SFI1: variants seen among roughly 807,000 people sequenced by gnomAD.
The protein encoded by SFI1 is protein SFI1 homolog.
A neutral mutation model predicts 207.5 loss-of-function variants in SFI1; 195 were observed. The observed-to-expected ratio is 0.94, with a 90% CI of 0.84 to 1.06. The LOEUF is 1.06. Among genes scored for constraint, SFI1 ranks in the 50% least tolerant of loss-of-function variants. The pLI, the probability that SFI1 is intolerant of heterozygous loss-of-function variation, is 0.00. For synonymous variants in SFI1, 630 were observed against 598.9 expected (o/e 1.05, Z -0.76); for missense variants, 1,634 against 1,588.0 (o/e 1.03, Z -0.49).
At chr22:31,513,251 TG>T (rs1410884170) in intron 2 of SFI1, among the ~76,000 whole-genome samples, 12 of 151,906 alleles carry the variant, frequency 7.9e-5, no homozygotes. Flanking sequence ...CTCAGCCTCC[TG>T]GGATCAAGCA....
At chr22:31,611,057 C>T in intron 22 of SFI1, 86 bp from the exon 23 acceptor site, 1 of 1,559,734 alleles carries the variant, frequency 6.4e-7, no homozygotes. Flanking sequence ...CCTGCACAGC[C>T]ATCTCTGCTG....
At chr22:31,512,128 G>A (rs2055670173) in intron 2 of SFI1, among the ~76,000 whole-genome samples, 1 of 152,082 alleles carries the variant, frequency 6.6e-6, no homozygotes, top group Non-Finnish European at 1.5e-5. Flanking sequence ...GGCCGAGGCG[G>A]GCAGATCATC....
intron 2 of SFI1, among the ~76,000 whole-genome samples, chr22:31,519,437 ATTT>A (rs756071630): frequency 2.2e-5 from 3 of 137,560 alleles, no homozygotes; most frequent in Admixed American, 7.3e-5. Flanking sequence ...CATCTGGCTA[ATTT>A]TTTTTTTTTT....
intron 1 of SFI1, among the ~76,000 whole-genome samples, chr22:31,497,550 G>A (rs2052908292): frequency 6.6e-6 from 1 of 152,078 alleles, no homozygotes; most frequent in African/African-American, 2.4e-5. Context: ...GGTCCTCCTT[G>A]TAGCCTGAGA....
rs778675085 is a variant in SFI1, at chr22:31,613,410, G to A, written c.2622G>A (p.Leu874=). ...AAAGGAGGAGAAAGAAGGCGCGGCT[G>A]CAGTGGGCGCTCCAGGCCTACCAGG... ...VLERRRKKAR[L]QWALQAYQGQ... The change falls in exon 26 of 33, where the codon CTG becomes CTA. Residue 874 remains leucine (L), a synonymous_variant. Transcript: ENST00000400288. 3.1e-6 allele frequency: 5 copies of A among 1,610,906 alleles called. No homozygotes were observed. Among genetic ancestry groups the A allele is most frequent in the Non-Finnish European group, 4.2e-6 (5 of 1,179,752 alleles).
In SFI1 at chr22:31,614,824, GC is replaced by G. The variant is rs1569469017; in HGVS notation, c.3035del (p.Pro1012HisfsTer21). ...TAHSARKQPRRPHFLLEPAQS... is the reference protein window; with the variant it reads ...TAHSARKQPRXPHFLLEPAQS... ...CACTCAGCGAGGAAGCAGCCGCGAC[GC>G]CCACACTTCCTGTTGGAGCCTGCGC... On this transcript the variant is annotated frameshift_variant, in exon 28 of 33. Transcript: ENST00000400288. LOFTEE classifies it high-confidence loss of function. 1 of 1,613,888 alleles carries G rather than the reference GC, an allele frequency of 6.2e-7. No homozygotes were observed. The highest frequency in any genetic ancestry group is 2.2e-5 in the East Asian group (1 of 44,882).
intron 15 of SFI1, among the ~76,000 whole-genome samples, chr22:31,601,941 C>T (rs908097322): frequency 6.6e-6 from 1 of 152,018 alleles, no homozygotes; most frequent in African/African-American, 2.4e-5. Flanking sequence ...TACAGGCACA[C>T]ACCATCACAC....
chr22:31,521,005 A>G (rs909015588), intron 2 of SFI1, among the ~76,000 whole-genome samples: 3 of 148,198 alleles, frequency 2.0e-5, no homozygotes, highest in Non-Finnish European at 4.5e-5. Flanking sequence ...CCTGTCTCAA[A>G]AAAAAAAAAA....
At chr22:31,515,298 C>T (rs1443838004) in intron 2 of SFI1, among the ~76,000 whole-genome samples, 1 of 151,262 alleles carries the variant, frequency 6.6e-6, no homozygotes, top group Non-Finnish European at 1.5e-5. Flanking sequence ...CTATACTAAT[C>T]TGGTAGGTAT....
intron 15 of SFI1, among the ~76,000 whole-genome samples, chr22:31,595,363 A>G (rs1414183801): frequency 3.3e-5 from 5 of 152,208 alleles, no homozygotes; most frequent in Admixed American, 6.5e-5. Flanking sequence ...GTGATGGGAG[A>G]CAGAAAACAA....
chr22:31,601,777 C>T (rs1442560139), intron 15 of SFI1, among the ~76,000 whole-genome samples: 3 of 152,030 alleles, frequency 2.0e-5, no homozygotes, highest in Non-Finnish European at 2.9e-5. Flanking sequence ...CTTTCTCCCT[C>T]ATCTAAGCTT....
chr22:31,593,044 C>T (rs2066343348), intron 15 of SFI1, among the ~76,000 whole-genome samples: 1 of 137,978 alleles, frequency 7.2e-6, no homozygotes, highest in Admixed American at 6.9e-5. Flanking sequence ...CTGACCCCCC[C>T]ACCTCCCTCC....
rs369841867 is a variant in SFI1, at chr22:31,583,987, T to A, written c.1346+15T>A. ...GACCACTACAGGTAGGGACTCTGGT[T>A]TCATCCCTGGCTCTCAGGGACTTTG... is the stretch of plus-strand genomic sequence containing the variant. On this transcript the variant is annotated intron_variant, in intron 13 of 32. Transcript: ENST00000400288. 32 of 1,605,230 alleles carry A rather than the reference T, an allele frequency of 2.0e-5. No individual in the cohort carries two copies. Among genetic ancestry groups the A allele is most frequent in the Non-Finnish European group, 2.3e-5 (27 of 1,172,428 alleles).
intron 4 of SFI1, among the ~76,000 whole-genome samples, chr22:31,545,382 A>G (rs2059972786): frequency 6.6e-6 from 1 of 151,880 alleles, no homozygotes; most frequent in African/African-American, 2.4e-5. Flanking sequence ...AAAAGAAAAA[A>G]AAAATTTGTA....
In SFI1 at chr22:31,608,046, C is replaced by T; in HGVS notation, c.2254+13C>T. The T allele has an allele frequency of 6.2e-7, 1 of 1,610,766 alleles. No homozygotes were observed. The highest frequency in any genetic ancestry group is 1.3e-5 in the African/African-American group (1 of 74,970). ...GTGCTGGACAGGGGTAAGTGGGGCC[C>T]CAGAAGCAAGTCATGTTGAGGAATG... On this transcript the variant is annotated intron_variant, in intron 22 of 32. Coordinates refer to ENST00000400288, the MANE Select transcript of SFI1 (RefSeq NM_001007467.3).
chr22:31,508,227 T>A, intron 1 of SFI1, 28 bp from the exon 2 acceptor site: 1 of 1,331,644 alleles, frequency 7.5e-7, no homozygotes, highest in Non-Finnish European at 1.1e-6. Context: ...AATCATTTTC[T>A]CTCTTTTTTA....
In SFI1 at chr22:31,614,798, C is replaced by T. The variant is rs2071094667; in HGVS notation, c.3006C>T (p.Ala1002=). The T allele has an allele frequency of 4.3e-6, 7 of 1,613,854 alleles. No homozygotes were observed. Among genetic ancestry groups the T allele is most frequent in the Non-Finnish European group, 5.1e-6 (6 of 1,180,036 alleles). ...EEPHALELNT[A]HSARKQPRRP... ...CCATGTTTCTTTCCAGCAACACTGCCCACTCAGCGAGGAAGCAGCCGCGAC... is the reference window on the plus strand; with the variant it reads ...CCATGTTTCTTTCCAGCAACACTGCTCACTCAGCGAGGAAGCAGCCGCGAC... Residue 1002 remains alanine (A), a synonymous_variant, in exon 28 of 33, where the codon GCC becomes GCT. Transcript: ENST00000400288.
chr22:31,512,321 C>T (rs1277428744), intron 2 of SFI1, among the ~76,000 whole-genome samples: 2 of 149,118 alleles, frequency 1.3e-5, no homozygotes, highest in Non-Finnish European at 3.0e-5. Flanking sequence ...TGCCATTGCA[C>T]TCCAGCCAGG....
At chr22:31,588,050 C>T (rs2065274892) in intron 14 of SFI1, 1 of 152,128 alleles carries the variant, frequency 6.6e-6, no homozygotes, top group Admixed American at 6.6e-5. Flanking sequence ...AGACAACAAC[C>T]ATTCTATTAT....
Sources: allele counts gnomAD v4.1 joint callset (sites outside exome capture counted in the v4.1 genomes callset), GRCh38; gene constraint gnomAD v4.1.1; transcripts MANE v1.5; gene names NCBI Gene and HGNC (gene_info 2026-07-23, HGNC 2026-07-21).